Variants in LDB2 observed in about 807,000 individuals in gnomAD.
The protein encoded by LDB2 is LIM domain-binding protein 2.
Under a neutral mutation model 44.3 loss-of-function variants are expected in LDB2, and 12 were observed. That is an observed-to-expected ratio of 0.27 (90% CI 0.17 to 0.44). The LOEUF (loss-of-function observed/expected upper bound fraction) is 0.44. Among genes scored for constraint, LDB2 ranks in the 20% least tolerant of loss-of-function variants. The pLI is 1.00. For missense variants in LDB2, 344 were observed against 473.5 expected, an observed-to-expected ratio of 0.73 and a Z score of 2.54; for synonymous variants, 164 against 174.8, an observed-to-expected ratio of 0.94 and a Z score of 0.49.
chr4:16,755,551 CAG>C (rs1159511525), intron 2 of LDB2, among the ~76,000 whole-genome samples: 5 of 28,066 alleles, frequency 1.8e-4, no homozygotes, highest in Non-Finnish European at 2.8e-4. Flanking sequence ...GACAGACAGA[CAG>C]AGAGAGAGAG....
At chr4:16,608,113 A>C (rs1724443386) in intron 2 of LDB2, among the ~76,000 whole-genome samples, 1 of 151,776 alleles carries the variant, frequency 6.6e-6, no homozygotes, top group Non-Finnish European at 1.5e-5. Flanking sequence ...TCTCCTATCT[A>C]AGACAACTTA....
At chr4:16,597,707 C>T (rs1421024129) in intron 2 of LDB2, among the ~76,000 whole-genome samples, 6 of 152,122 alleles carry the variant, frequency 3.9e-5, no homozygotes, top group Non-Finnish European at 7.4e-5. Flanking sequence ...GGATTAGTAA[C>T]ATTATACTTT....
chr4:16,647,189 T>C (rs190474053), intron 2 of LDB2, among the ~76,000 whole-genome samples: 61 of 152,252 alleles, frequency 4.0e-4, no homozygotes, highest in African/African-American at 1.3e-3. Flanking sequence ...TTAAGTTCAG[T>C]GAAAGAAGCC....
At chr4:16,677,451 G>A (rs1368184786) in intron 2 of LDB2, among the ~76,000 whole-genome samples, 1 of 152,140 alleles carries the variant, frequency 6.6e-6, no homozygotes, top group Non-Finnish European at 1.5e-5. Context: ...TGGATTGGGC[G>A]GGAAAGGTGA....
chr4:16,723,184 C>T (rs528225088), intron 2 of LDB2, among the ~76,000 whole-genome samples: 19 of 151,914 alleles, frequency 1.3e-4, no homozygotes, highest in African/African-American at 4.1e-4. Flanking sequence ...GATAACCTAG[C>T]TCCCTGTCTG....
At chr4:16,622,058 G>C (rs954062353) in intron 2 of LDB2, among the ~76,000 whole-genome samples, 2 of 152,236 alleles carry the variant, frequency 1.3e-5, no homozygotes, top group African/African-American at 4.8e-5. Flanking sequence ...CTGCTAAGTA[G>C]GTGGAAAACA....
At chr4:16,600,294 A>C (rs565569686) in intron 2 of LDB2, among the ~76,000 whole-genome samples, 1 of 152,332 alleles carries the variant, frequency 6.6e-6, no homozygotes, top group African/African-American at 2.4e-5. Flanking sequence ...ATATTGATAT[A>C]CATAAATCTA....
At chr4:16,627,634 A>G (rs926624159) in intron 2 of LDB2, among the ~76,000 whole-genome samples, 1 of 152,214 alleles carries the variant, frequency 6.6e-6, no homozygotes. Context: ...AGTGACAAAG[A>G]GTCAGGATTC....
intron 1 of LDB2, among the ~76,000 whole-genome samples, chr4:16,862,295 T>A (rs994453700): frequency 4.0e-5 from 6 of 151,720 alleles, no homozygotes; most frequent in African/African-American, 1.5e-4. Flanking sequence ...GAAGCCCAAG[T>A]TTGATACCAG....
At chr4:16,816,883 C>T (rs911549502) in intron 1 of LDB2, among the ~76,000 whole-genome samples, 4 of 152,104 alleles carry the variant, frequency 2.6e-5, no homozygotes, top group African/African-American at 9.7e-5. Context: ...AACTTTTTGT[C>T]TACATATCCT....
chr4:16,690,499 GA>G lies in LDB2; in HGVS notation c.235+68658del, dbSNP rs1560892507. On this transcript the variant is annotated intron_variant, in intron 2 of 7. Transcript: ENST00000304523. ...GAAGGAAGGGAGGGAGGGAGGGAGGGAGGGAGGGAGGGAGGGAGGGGGGAGG... is the reference window on the plus strand; with the variant it reads ...GAAGGAAGGGAGGGAGGGAGGGAGGGGGGAGGGAGGGAGGGAGGGGGGAGG... Among the ~76,000 whole-genome samples the G allele has an allele frequency of 1.3e-3, 20 of 15,072 alleles. 2 individuals carry two copies. The highest frequency in any genetic ancestry group is 3.6e-3 in the East Asian group (1 of 280). The allele number at this position is 15,072 out of a possible 152,430, so 9.9% of individuals were successfully genotyped here.
At position 16,600,383 on chromosome 4, in the gene LDB2, G is replaced by A. The variant is rs561255237; in HGVS notation, c.236-4508C>T. On this transcript the variant is annotated intron_variant, in intron 2 of 7. Transcript: ENST00000304523. The stretch of plus-strand genomic sequence containing the variant: ...TAAGATTATAGTAGATTATAAAGGC[G>A]ATGGTATTTTTCTGACACATTTAGA... Among the ~76,000 whole-genome samples, 143 of 152,234 alleles carry A rather than the reference G, an allele frequency of 9.4e-4. 1 individual carries two copies. The highest frequency in any genetic ancestry group is 3.4e-3 in the African/African-American group (141 of 41,562).
At chr4:16,729,215 A>G (rs1354869764) in intron 2 of LDB2, among the ~76,000 whole-genome samples, 1 of 152,236 alleles carries the variant, frequency 6.6e-6, no homozygotes, top group African/African-American at 2.4e-5. Context: ...CTTTAAGAAC[A>G]AAAACACAAA....
At chr4:16,880,258 T>C (rs1011596313) in intron 1 of LDB2, among the ~76,000 whole-genome samples, 4 of 152,084 alleles carry the variant, frequency 2.6e-5, no homozygotes, top group Non-Finnish European at 5.9e-5. Context: ...AGGTTCTGGG[T>C]GACTAAATTA....
chr4:16,863,786 G>A (rs1713617023), intron 1 of LDB2, among the ~76,000 whole-genome samples: 5 of 148,980 alleles, frequency 3.4e-5, no homozygotes, highest in Admixed American at 2.7e-4. Context: ...TCAGCCTTCC[G>A]AGTAGCTGCG....
chr4:16,654,740 C>A (rs777683461), intron 2 of LDB2, among the ~76,000 whole-genome samples: 1 of 152,096 alleles, frequency 6.6e-6, no homozygotes, highest in Non-Finnish European at 1.5e-5. Context: ...ATAAGAAACC[C>A]TTGACTTATT....
At chr4:16,821,770 A>AAAAAAAAAAC (rs71181190) in intron 1 of LDB2, among the ~76,000 whole-genome samples, 3 of 136,042 alleles carry the variant, frequency 2.2e-5, no homozygotes, top group Non-Finnish European at 3.2e-5. Context: ...AAAAAAAAAA[A>AAAAAAAAAAC]TCAGGAATTT....
intron 3 of LDB2, among the ~76,000 whole-genome samples, chr4:16,594,381 A>G (rs1369598065): frequency 6.6e-6 from 1 of 152,200 alleles, no homozygotes; most frequent in Non-Finnish European, 1.5e-5. Context: ...TCCATGTAGC[A>G]AAAGTCTCTT....
chr4:16,879,907 G>A (rs895077425), intron 1 of LDB2, among the ~76,000 whole-genome samples: 1 of 152,026 alleles, frequency 6.6e-6, no homozygotes, highest in East Asian at 1.9e-4. Flanking sequence ...ACCCAAGCAC[G>A]GAACACAGAG....
Sources: gnomAD v4.1 joint callset for allele counts (sites outside exome capture counted in the v4.1 genomes callset) on GRCh38, gnomAD v4.1.1 for gene constraint, MANE v1.5 for transcripts, NCBI Gene and HGNC (gene_info 2026-07-23, HGNC 2026-07-21) for gene names.